The following ZNF33A variants were observed in gnomAD, a reference collection of about 807,000 sequenced individuals.
ZNF33A encodes the protein zinc finger protein 33A.
Under a neutral mutation model 15.9 loss-of-function variants are expected in ZNF33A, and 9 were observed. The observed-to-expected ratio is 0.57, with a 90% CI of 0.34 to 0.99. ZNF33A has a LOEUF of 0.99. Ranked by LOEUF, ZNF33A falls within the 50% of genes least tolerant of loss-of-function variation. ZNF33A has a pLI of 0.02. For missense variants in ZNF33A, 843 were observed against 941.6 expected, an observed-to-expected ratio of 0.90 and a Z score of 1.37; for synonymous variants, 294 against 324.2, an observed-to-expected ratio of 0.91 and a Z score of 1.00.
chr10:38,018,994 T>G (rs1290034613), intron 4 of ZNF33A, among the ~76,000 whole-genome samples: 1 of 151,980 alleles, frequency 6.6e-6, no homozygotes, highest in Non-Finnish European at 1.5e-5. Flanking sequence ...TTTATTTTAT[T>G]ATTATTATAC....
At chr10:38,064,418 T>C (rs968327197), downstream of ZNF33A, 17 of 367,482 alleles carry the variant, frequency 4.6e-5, no homozygotes, top group African/African-American at 1.9e-4. Context: ...TCCCGAGGAG[T>C]GTCCACACTG....
Position 38,060,002 on chromosome 10 carries a change from A to G in ZNF33A, c.*3442A>G, listed in dbSNP as rs2066633152. 7 of 961,582 alleles carry G rather than the reference A, an allele frequency of 7.3e-6. No individual in the cohort carries two copies. Among genetic ancestry groups the G allele is most frequent in the Non-Finnish European group, 8.7e-6 (7 of 808,102 alleles). 59.6% of individuals were successfully genotyped at this position (961,582 alleles called of 1,614,324 possible). A position where few individuals can be genotyped will look rare whatever the true frequency, so the allele number is the denominator to read the frequency against. ...TTTTTGCTCAACTTTCTGTAACCCT[A>G]AAGCTACTCTAAAAAATGAAGTGTA... On this transcript the variant is annotated 3_prime_UTR_variant, in exon 5 of 5. Transcript: ENST00000432900.
intron 4 of ZNF33A, among the ~76,000 whole-genome samples, chr10:38,024,163 C>CAAAAAAAAAACAAAAAAAA (rs2064874877): frequency 1.1e-5 from 1 of 93,218 alleles, no homozygotes; most frequent in African/African-American, 4.1e-5. Context: ...AAAAACAAAA[C>CAAAAAAAAAACAAAAAAAA]AAAAAAAAAA....
At chr10:38,036,501 T>C (rs1444830145) in intron 4 of ZNF33A, among the ~76,000 whole-genome samples, 2 of 151,966 alleles carry the variant, frequency 1.3e-5, no homozygotes, top group Admixed American at 1.3e-4. Flanking sequence ...AAGAAAACCA[T>C]ATCATGTCAA....
In ZNF33A at chr10:38,055,707, A is replaced by G. The variant is rs1323833535; in HGVS notation, c.1583A>G (p.Tyr528Cys). The G allele has an allele frequency of 6.2e-7, 1 of 1,613,950 alleles. No homozygotes were observed. Among genetic ancestry groups the G allele is most frequent in the East Asian group, 2.2e-5 (1 of 44,834 alleles). Residue 528 changes from tyrosine to cysteine, a missense_variant, in exon 5 of 5, where the codon TAT becomes TGT. Tyr to Cys is a radical substitution (Grantham distance 194, BLOSUM62 -2). Coordinates refer to ENST00000432900, the MANE Select transcript of ZNF33A (RefSeq NM_006954.2). Reference protein sequence around the residue: ...IHTGWKPYECYECGKTFCLKS... With the variant: ...IHTGWKPYECCECGKTFCLKS... Reference sequence around the variant, plus strand: ...ACAGGGTGGAAACCTTATGAATGTTATGAATGTGGGAAAACCTTCTGCTTG... The same window carrying G: ...ACAGGGTGGAAACCTTATGAATGTTGTGAATGTGGGAAAACCTTCTGCTTG...
At chr10:38,022,473 A>G (rs944536700) in intron 4 of ZNF33A, among the ~76,000 whole-genome samples, 5 of 152,094 alleles carry the variant, frequency 3.3e-5, no homozygotes, top group African/African-American at 1.2e-4. Flanking sequence ...CCTGGCCAAC[A>G]TGGTGAAACT....
Position 38,059,436 on chromosome 10 carries a change from ATTGTCT to A in ZNF33A, c.*2881_*2886del, listed in dbSNP as rs2066612361. 1 of 152,218 alleles carries A rather than the reference ATTGTCT, an allele frequency of 6.6e-6. No homozygotes were observed. The highest frequency in any genetic ancestry group is 2.4e-5 in the African/African-American group (1 of 41,464). 9.4% of individuals were successfully genotyped at this position (152,218 alleles called of 1,614,324 possible). On this transcript the variant is annotated 3_prime_UTR_variant, in exon 5 of 5. Transcript: ENST00000432900. ...TACAACTTTGTTCACAAGTAACATG[ATTGTCT>A]TTGTAGAGAATTCTAAATAACAAAA...
At chr10:38,047,190 C>CAAAAAAAAAA (rs61278605) in intron 4 of ZNF33A, among the ~76,000 whole-genome samples, 8 of 64,048 alleles carry the variant, frequency 1.2e-4, no homozygotes, top group African/African-American at 2.2e-4. Context: ...CCACCCCTGC[C>CAAAAAAAAAA]AAAAAAAAAA....
At chr10:38,046,791 C>T (rs115592378) in intron 4 of ZNF33A, among the ~76,000 whole-genome samples, 2,133 of 151,476 alleles carry the variant, frequency 0.014, 53 homozygotes, top group African/African-American at 0.048. Context: ...AGTAGAGACA[C>T]GGAAGATTTA....
chr10:38,040,700 A>G (rs892112365), intron 4 of ZNF33A, among the ~76,000 whole-genome samples: 1 of 152,186 alleles, frequency 6.6e-6, no homozygotes, highest in Non-Finnish European at 1.5e-5. Context: ...TCTCTTATAG[A>G]CAGCACATGT....
At chr10:38,067,664 G>A (rs2066720167), downstream of ZNF33A, among the ~76,000 whole-genome samples, 1 of 151,952 alleles carries the variant, frequency 6.6e-6, no homozygotes, top group Non-Finnish European at 1.5e-5. Context: ...CTGGGTGCAG[G>A]GCATTACACA....
At chr10:38,067,165 A>G (rs2066716178), downstream of ZNF33A, among the ~76,000 whole-genome samples, 1 of 152,140 alleles carries the variant, frequency 6.6e-6, no homozygotes, top group African/African-American at 2.4e-5. Flanking sequence ...AAAAGGCCCA[A>G]TTTCACTTCC....
intron 4 of ZNF33A, chr10:38,039,391 T>G: frequency 2.3e-6 from 1 of 442,950 alleles, no homozygotes; most frequent in South Asian, 1.6e-5. Context: ...CCCAGCTAAT[T>G]TTTTGTGTTT....
downstream of ZNF33A, chr10:38,063,966 G>A: frequency 2.4e-6 from 2 of 820,126 alleles, no homozygotes; most frequent in Non-Finnish European, 3.8e-6. Context: ...TGTCTGTGGT[G>A]CCTGCAGGAC....
downstream of ZNF33A, among the ~76,000 whole-genome samples, chr10:38,065,877 A>G (rs2066705908): frequency 6.6e-6 from 1 of 151,998 alleles, no homozygotes; most frequent in Non-Finnish European, 1.5e-5. Context: ...CGACTGGCTA[A>G]TTTTTGTATT....
At chr10:38,017,204 C>T (rs1240568348) in intron 3 of ZNF33A, 87 bp from the exon 4 acceptor site, 12 of 1,423,028 alleles carry the variant, frequency 8.4e-6, no homozygotes, top group Non-Finnish European at 5.8e-6. Flanking sequence ...ACTGGCAACT[C>T]GAAGCAGCCC....
intron 4 of ZNF33A, 53 bp downstream of exon 4, chr10:38,017,439 G>T (rs954332839): frequency 3.1e-5 from 46 of 1,462,308 alleles, no homozygotes; most frequent in Non-Finnish European, 4.4e-5. Flanking sequence ...TTGTTTCCCA[G>T]TAGTTAATTC....
At chr10:38,019,133 C>A (rs1430057290) in intron 4 of ZNF33A, among the ~76,000 whole-genome samples, 1 of 151,688 alleles carries the variant, frequency 6.6e-6, no homozygotes, top group Non-Finnish European at 1.5e-5. Context: ...TATCCCTCCC[C>A]ACTCCCCCCA....
At chr10:38,063,475 A>C (rs2066679568), downstream of ZNF33A, among the ~76,000 whole-genome samples, 1 of 152,168 alleles carries the variant, frequency 6.6e-6, no homozygotes, top group African/African-American at 2.4e-5. Context: ...ATATATACAA[A>C]ATGCTAATAG....
Sources: gnomAD v4.1 joint callset for allele counts (sites outside exome capture counted in the v4.1 genomes callset) on GRCh38, gnomAD v4.1.1 for gene constraint, MANE v1.5 for transcripts, NCBI Gene and HGNC (gene_info 2026-07-23, HGNC 2026-07-21) for gene names.